The following MYLK3 variants were observed in gnomAD, a reference collection of about 807,000 sequenced individuals.
MYLK3 encodes the protein myosin light chain kinase 3, also known as MLC kinase.
MYLK3 carries 55 observed loss-of-function variants against 76.3 expected under a neutral mutation model. That is an observed-to-expected ratio of 0.72 (90% CI 0.58 to 0.90). The LOEUF is 0.90. Ranked by LOEUF, MYLK3 falls within the 40% of genes least tolerant of loss-of-function variation. MYLK3 has a pLI of 0.00. For synonymous variants in MYLK3, 416 were observed against 425.4 expected (o/e 0.98, Z 0.27); for missense variants, 973 against 1,053.6 (o/e 0.92, Z 1.06).
intron 8 of MYLK3, among the ~76,000 whole-genome samples, chr16:46,724,221 A>G (rs1966828007): frequency 6.6e-6 from 1 of 152,106 alleles, no homozygotes; most frequent in Non-Finnish European, 1.5e-5. Flanking sequence ...CTGATATATG[A>G]TTTGGAAATA....
At chr16:46,713,498 G>A (rs866227040) in intron 9 of MYLK3, among the ~76,000 whole-genome samples, 5 of 152,002 alleles carry the variant, frequency 3.3e-5, no homozygotes, top group South Asian at 2.1e-4. Context: ...ACACCCAGCC[G>A]GTATATATGA....
intron 8 of MYLK3, 39 bp downstream of exon 8, chr16:46,727,196 AC>A: frequency 1.3e-6 from 2 of 1,599,988 alleles, no homozygotes; most frequent in South Asian, 2.2e-5. Flanking sequence ...AGGAGCTAGG[AC>A]ACCAGGGGCC....
rs555886712 is a variant in MYLK3, at chr16:46,707,510, G to T, written c.*194C>A. 3.7e-6 allele frequency: 2 copies of T among 544,878 alleles called. No homozygotes were observed. The highest frequency in any genetic ancestry group is 6.0e-5 in the East Asian group (2 of 33,470). 33.8% of individuals were successfully genotyped at this position (544,878 alleles called of 1,614,324 possible). A position where few individuals can be genotyped will look rare whatever the true frequency, so the allele number is the denominator to read the frequency against. On this transcript the variant is annotated 3_prime_UTR_variant, in exon 13 of 13. Transcript: ENST00000394809. ...TCACACGTAGTGATCTTACAAGGCA[G>T]AAAAAAACGTTCTTAGGAAGCTTCT... is the stretch of plus-strand genomic sequence containing the variant.
chr16:46,759,880 T>C (rs576560096), intron 1 of MYLK3, among the ~76,000 whole-genome samples: 1 of 152,302 alleles, frequency 6.6e-6, no homozygotes, highest in East Asian at 1.9e-4. Context: ...TGATCCACCC[T>C]CCTTGGCATC....
In MYLK3 at chr16:46,707,562, A is replaced by C; in HGVS notation, c.*142T>G. 2 of 586,930 alleles carry C rather than the reference A, an allele frequency of 3.4e-6. No individual in the cohort carries two copies. The highest frequency in any genetic ancestry group is 5.7e-5 in the East Asian group (2 of 35,238). The allele number at this position is 586,930 out of a possible 1,614,324, so 36.4% of individuals were successfully genotyped here. ...TACAGCCACTTTTCATCCACAAGGA[A>C]GGCAGCAGCCATAACCATTTTTACA... On this transcript the variant is annotated 3_prime_UTR_variant, in exon 13 of 13. Transcript: ENST00000394809.
chr16:46,722,251 C>A (rs142770406), intron 8 of MYLK3, among the ~76,000 whole-genome samples: 2 of 152,310 alleles, frequency 1.3e-5, no homozygotes, highest in African/African-American at 4.8e-5. Context: ...GCCTGAGGCC[C>A]AGGGGCTCAT....
intron 1 of MYLK3, among the ~76,000 whole-genome samples, chr16:46,746,424 C>A (rs1361063551): frequency 6.6e-6 from 1 of 151,932 alleles, no homozygotes; most frequent in Non-Finnish European, 1.5e-5. Flanking sequence ...AATTAAATTT[C>A]TTTATTTTTT....
At chr16:46,729,906 C>T (rs889714931) in intron 5 of MYLK3, 8 of 598,872 alleles carry the variant, frequency 1.3e-5, no homozygotes, top group African/African-American at 1.3e-4. Flanking sequence ...TCCCAGGGAA[C>T]ATCCCCTCAT....
At chr16:46,759,966 C>G (rs1327759869) in intron 1 of MYLK3, among the ~76,000 whole-genome samples, 1 of 152,206 alleles carries the variant, frequency 6.6e-6, no homozygotes, top group Non-Finnish European at 1.5e-5. Context: ...CTGAAACTTT[C>G]TGCTTTCTGT....
At chr16:46,735,363 G>A (rs1966863623) in intron 3 of MYLK3, among the ~76,000 whole-genome samples, 1 of 152,008 alleles carries the variant, frequency 6.6e-6, no homozygotes, top group Non-Finnish European at 1.5e-5. Context: ...CCGCCACCAT[G>A]CCCAGCTAAT....
At chr16:46,743,356 C>T (rs1452294081) in intron 1 of MYLK3, among the ~76,000 whole-genome samples, 1 of 152,166 alleles carries the variant, frequency 6.6e-6, no homozygotes, top group Non-Finnish European at 1.5e-5. Context: ...AAACACAGTC[C>T]CCAAGAAGCC....
At chr16:46,751,643 C>A (rs1192830439), upstream of MYLK3, among the ~76,000 whole-genome samples, 1 of 152,094 alleles carries the variant, frequency 6.6e-6, no homozygotes, top group Non-Finnish European at 1.5e-5. Context: ...CTGAGCAGAC[C>A]GTCCTGAGAC....
At chr16:46,716,489 G>GTATATATGTGTGTA in intron 9 of MYLK3, among the ~76,000 whole-genome samples, 1 of 70,696 alleles carries the variant, frequency 1.4e-5, no homozygotes, top group African/African-American at 3.7e-5. Flanking sequence ...GTGTGTATGT[G>GTATATATGTGTGTA]TATATATATG....
chr16:46,713,588 G>A (rs1966707219), intron 9 of MYLK3, among the ~76,000 whole-genome samples: 1 of 152,140 alleles, frequency 6.6e-6, no homozygotes, highest in Non-Finnish European at 1.5e-5. Context: ...CTTATTTTTT[G>A]TGGTGAGAAC....
At chr16:46,740,357 G>T (rs1966909073) in intron 1 of MYLK3, among the ~76,000 whole-genome samples, 1 of 151,846 alleles carries the variant, frequency 6.6e-6, no homozygotes, top group Admixed American at 6.6e-5. Context: ...ATTTAAAAGA[G>T]GAGGCGCCCA....
At chr16:46,748,812 G>A (rs536564603), upstream of MYLK3, among the ~76,000 whole-genome samples, 15 of 152,308 alleles carry the variant, frequency 9.8e-5, no homozygotes, top group African/African-American at 2.6e-4. The surrounding 1 kb of genome is among the most constrained non-coding windows in gnomAD (Gnocchi z 4.3). Context: ...CTACACCAGC[G>A]TTCAGAACAT....
At chr16:46,735,418 C>T (rs996632661) in intron 3 of MYLK3, among the ~76,000 whole-genome samples, 2 of 152,160 alleles carry the variant, frequency 1.3e-5, no homozygotes, top group African/African-American at 4.8e-5. Context: ...TTTGGCCAGG[C>T]TGGTCTTGAA....
In MYLK3 at chr16:46,754,536, G is replaced by A. The variant is rs991087682; in HGVS notation, c.-114+8504C>T. Among the ~76,000 whole-genome samples the A allele has an allele frequency of 6.6e-5, 10 of 152,102 alleles. 1 individual carries two copies. Among genetic ancestry groups the A allele is most frequent in the Admixed American group, 2.6e-4 (4 of 15,258 alleles). On this transcript the variant is annotated intron_variant, in intron 1 of 11. Coordinates refer to the MYLK3 transcript ENST00000536476. The stretch of plus-strand genomic sequence containing the variant: ...CTGAGGGAGCACACTCAGCCCCTTC[G>A]CCATGGGATACCCTGGGCCACCTCT...
In MYLK3 at chr16:46,730,527, G is replaced by T. The variant is rs998787489; in HGVS notation, c.1568+66C>A. 1.6e-5 allele frequency: 21 copies of T among 1,352,082 alleles called. No homozygotes were observed. The Admixed American group carries it at 2.0e-4, about 13-fold the overall frequency. 83.8% of individuals were successfully genotyped at this position (1,352,082 alleles called of 1,614,324 possible). On this transcript the variant is annotated intron_variant, in intron 5 of 12. Coordinates refer to ENST00000394809, the MANE Select transcript of MYLK3 (RefSeq NM_182493.3). ...CTGCAGCACCCACCCCAGTTCTCCA[G>T]GTGGTCCCGACCCTGCCCCGTGACT...
Sources: gnomAD v4.1 joint callset for allele counts (sites outside exome capture counted in the v4.1 genomes callset) on GRCh38, gnomAD v4.1.1 for gene constraint, Gnocchi (gnomAD v3.1) non-coding constraint, MANE v1.5 for transcripts, NCBI Gene and HGNC (gene_info 2026-07-23, HGNC 2026-07-21) for gene names.